Variants in ZNF665 observed in about 807,000 individuals in gnomAD.
The protein encoded by ZNF665 is zinc finger protein 665.
In ZNF665, 6 loss-of-function variants were observed where a neutral mutation model predicts 7.9. The observed-to-expected ratio is 0.76, with a 90% CI of 0.42 to 1.50. The LOEUF is 1.50. Ranked by LOEUF, ZNF665 falls within the 40% of genes most tolerant of loss-of-function variation. The pLI is 0.01. For missense variants in ZNF665, 819 were observed against 806.7 expected, an observed-to-expected ratio of 1.02 and a Z score of -0.18; for synonymous variants, 242 against 274.5, an observed-to-expected ratio of 0.88 and a Z score of 1.17.
At chr19:53,168,558 C>T (rs550856518) in intron 3 of ZNF665, among the ~76,000 whole-genome samples, 85 of 152,256 alleles carry the variant, frequency 5.6e-4, no homozygotes, top group Middle Eastern at 3.4e-3. Context: ...AACACAATCC[C>T]AACCAAAATT....
chr19:53,172,285 C>T (rs374597113), intron 3 of ZNF665, among the ~76,000 whole-genome samples: 5 of 152,266 alleles, frequency 3.3e-5, no homozygotes, highest in African/African-American at 1.2e-4. Flanking sequence ...ACTGTATACC[C>T]AGAAGTGGGA....
In ZNF665 at chr19:53,164,191, T is replaced by C. The variant is rs981095590; in HGVS notation, c.*262A>G. On this transcript the variant is annotated 3_prime_UTR_variant, in exon 4 of 4. Transcript: ENST00000396424. The stretch of plus-strand genomic sequence containing the variant: ...TTCACTCCTGTTGCCCAGGCTGGAG[T>C]GCAATGGCATGATCTCGCTCACTGC... The C allele has an allele frequency of 4.3e-6, 1 of 231,184 alleles. No individual in the cohort carries two copies. Among genetic ancestry groups the C allele is most frequent in the Non-Finnish European group, 8.0e-6 (1 of 124,500 alleles). 14.3% of individuals were successfully genotyped at this position (231,184 alleles called of 1,614,324 possible). A position where few individuals can be genotyped will look rare whatever the true frequency, so the allele number is the denominator to read the frequency against.
chr19:53,165,333 T>C lies in ZNF665; in HGVS notation c.1157A>G (p.His386Arg), dbSNP rs778435295. Residue 386 changes from histidine (H) to arginine (R), a missense_variant, in exon 4 of 4, where the codon CAT becomes CGT. Transcript: ENST00000396424. ...CNECGKAFSM[H>R]SNLTKHQIIH... Reference sequence around the variant, plus strand: ...GATCTGATGCTTAGTTAAGTTTGAATGCATACTGAAGGCTTTCCCACACTC... The same window carrying C: ...GATCTGATGCTTAGTTAAGTTTGAACGCATACTGAAGGCTTTCCCACACTC... 9.3e-6 allele frequency: 15 copies of C among 1,613,240 alleles called. No homozygotes were observed. The highest frequency in any genetic ancestry group is 1.2e-5 in the Non-Finnish European group (14 of 1,179,546).
At chr19:53,191,513 C>A (rs1299368982) in intron 1 of ZNF665, among the ~76,000 whole-genome samples, 1 of 152,192 alleles carries the variant, frequency 6.6e-6, no homozygotes, top group Admixed American at 6.5e-5. Flanking sequence ...ACCAGCATCT[C>A]CATAACAGAA....
intron 1 of ZNF665, among the ~76,000 whole-genome samples, chr19:53,189,288 CA>C (rs1190471605): frequency 6.6e-6 from 1 of 151,906 alleles, no homozygotes. Context: ...CGACACAAGA[CA>C]AAGAGATAAA....
intron 1 of ZNF665, chr19:53,191,825 AGAGT>A (rs1382916865): frequency 6.6e-6 from 1 of 152,220 alleles, no homozygotes; most frequent in Non-Finnish European, 1.5e-5. Context: ...TCTGGGAAAT[AGAGT>A]GAGATTCTGT....
At position 53,162,660 on chromosome 19, in the gene ZNF665, C is replaced by G. The variant is rs1223549741; in HGVS notation, c.*1793G>C. On this transcript the variant is annotated 3_prime_UTR_variant, in exon 4 of 4. Transcript: ENST00000396424. ...ATGAGGTCAGGAGTTCGAGACCAGCCTGGCAAACATAGTGAAACTCCATCT... is the reference window on the plus strand; with the variant it reads ...ATGAGGTCAGGAGTTCGAGACCAGCGTGGCAAACATAGTGAAACTCCATCT... 6.6e-6 allele frequency: 1 copy of G among 152,040 alleles called. No individual in the cohort carries two copies. The highest frequency in any genetic ancestry group is 1.5e-5 in the Non-Finnish European group (1 of 68,026). 9.4% of individuals were successfully genotyped at this position (152,040 alleles called of 1,614,324 possible). A position where few individuals can be genotyped will look rare whatever the true frequency, so the allele number is the denominator to read the frequency against.
Position 53,164,607 on chromosome 19 carries a change from C to T in ZNF665, c.1883G>A (p.Cys628Tyr). ...ACTGAAGGCTTTCCCACACTCATTA[C>T]ACCTATAAGGTTTTTCTCCAGTGTG... ...RIHTGEKPYR[C>Y]NECGKAFSVR... is the part of the protein sequence containing the mutation. The change falls in exon 4 of 4, where the codon TGT (cysteine) becomes TAT (tyrosine). Residue 628 changes from cysteine (C) to tyrosine (Y), a missense_variant. Coordinates refer to ENST00000396424, the MANE Select transcript of ZNF665 (RefSeq NM_024733.5). The T allele has an allele frequency of 6.2e-7, 1 of 1,614,174 alleles. No individual in the cohort carries two copies. The highest frequency in any genetic ancestry group is 1.6e-4 in the Middle Eastern group (1 of 6,062).
In ZNF665 at chr19:53,164,516, T is replaced by C. The variant is rs752238352; in HGVS notation, c.1974A>G (p.Gln658=). 6.2e-6 allele frequency: 10 copies of C among 1,611,496 alleles called. No homozygotes were observed. Among genetic ancestry groups the C allele is most frequent in the Middle Eastern group, 3.3e-4 (2 of 6,038 alleles). ...HTGDKPYKCN[Q]CGKVFTQNSN... ...AATTTTGAGTAAAGACCTTGCCACA[T>C]TGGTTACATTTGTAAGGTTTGTCTC... is the stretch of plus-strand genomic sequence containing the variant. The change falls in exon 4 of 4, where the codon CAA becomes CAG. Residue 658 remains glutamine, a synonymous_variant. Coordinates refer to ENST00000396424, the MANE Select transcript of ZNF665 (RefSeq NM_024733.5).
chr19:53,166,379 T>G (rs1475862448), intron 3 of ZNF665, 32 bp from the exon 4 acceptor site: 1 of 1,499,848 alleles, frequency 6.7e-7, no homozygotes, highest in African/African-American at 1.4e-5. Flanking sequence ...AGATTTCCAG[T>G]TAACTATAGT....
In ZNF665 at chr19:53,182,926, C is replaced by T. The variant is rs2090749052; in HGVS notation, c.-28G>A. 1 of 1,608,392 alleles carries T rather than the reference C, an allele frequency of 6.2e-7. No individual in the cohort carries two copies. Among genetic ancestry groups the T allele is most frequent in the African/African-American group, 1.3e-5 (1 of 74,888 alleles). ...CTGACTCCTTTGCCTTCCTCTTCCT[C>T]TTCTTCCAGGGTTCTACCTTGGGTA... On this transcript the variant is annotated 5_prime_UTR_variant, in exon 2 of 4. Transcript: ENST00000396424.
intron 3 of ZNF665, among the ~76,000 whole-genome samples, chr19:53,174,378 G>A (rs528576928): frequency 6.6e-6 from 1 of 152,024 alleles, no homozygotes; most frequent in East Asian, 1.9e-4. Context: ...TAAAGAACAG[G>A]GTATTAAGTG....
rs374548324 is a variant in ZNF665, at chr19:53,175,529, C to T, written c.58G>A (p.Glu20Lys). The change falls in exon 3 of 4, where the codon GAG becomes AAG. Residue 20 changes from glutamate (E) to lysine (K), a missense_variant. By Grantham distance (56) the Glu-to-Lys change is moderately conservative (BLOSUM62 1). Transcript: ENST00000396424. Reference protein sequence around the residue: ...FKDVAIEFSQEEWTCLDPAQK... With the variant: ...FKDVAIEFSQKEWTCLDPAQK... ...GCAGGGTCCAGGCATGTCCACTCCT[C>T]CTGAGAGAATTCTATGGCCACATCC... The T allele has an allele frequency of 6.8e-6, 11 of 1,610,924 alleles. No individual in the cohort carries two copies. The highest frequency in any genetic ancestry group is 1.1e-5 in the South Asian group (1 of 90,690).
chr19:53,172,756 C>T lies in ZNF665; in HGVS notation c.142+2689G>A, dbSNP rs544753719. ...AGGAGAATCACTTGAACCTGGGAGG[C>T]GGAGATTGCAGTGAGCCAAGATCAC... is the stretch of plus-strand genomic sequence containing the variant. On this transcript the variant is annotated intron_variant, in intron 3 of 3. Coordinates refer to ENST00000396424, the MANE Select transcript of ZNF665 (RefSeq NM_024733.5). 3.2e-4 allele frequency among the ~76,000 whole-genome samples: 43 copies of T among 133,096 alleles called. 1 individual carries two copies. In the East Asian group the frequency reaches 6.1e-3, roughly 19 times the overall value. The allele number at this position is 133,096 out of a possible 152,430, so 87.3% of individuals were successfully genotyped here.
intron 1 of ZNF665, among the ~76,000 whole-genome samples, chr19:53,189,056 T>C (rs2090793170): frequency 7.1e-6 from 1 of 141,184 alleles, no homozygotes; most frequent in Non-Finnish European, 1.6e-5. Context: ...ATTTTCTGTG[T>C]GTGTGTGTGT....
intron 1 of ZNF665, among the ~76,000 whole-genome samples, chr19:53,192,828 G>T (rs1010784373): frequency 1.3e-5 from 2 of 152,070 alleles, no homozygotes; most frequent in Non-Finnish European, 2.9e-5. Flanking sequence ...CGAAGGGGAG[G>T]CCTAGGGAGC....
chr19:53,165,804 G>A lies in ZNF665; in HGVS notation c.686C>T (p.Thr229Ile), dbSNP rs201340207. 189 of 1,614,028 alleles carry A rather than the reference G, an allele frequency of 1.2e-4. 1 individual carries two copies. The African/African-American group carries it at 2.1e-3, about 18-fold the overall frequency. ...SNLTIHQVIHTGEKPYKCNEC... is the reference protein window; with the variant it reads ...SNLTIHQVIHIGEKPYKCNEC... Reference sequence around the variant, plus strand: ...ATTACATTTGTAAGGTTTTTCTCCAGTATGGATGACCTGATGGATTGTTAG... The same window carrying A: ...ATTACATTTGTAAGGTTTTTCTCCAATATGGATGACCTGATGGATTGTTAG... The change falls in exon 4 of 4, where the codon ACT becomes ATT. Residue 229 changes from threonine (T) to isoleucine (I), a missense_variant. By Grantham distance (89) the Thr-to-Ile change is moderately conservative (BLOSUM62 -1). Transcript: ENST00000396424.
In ZNF665 at chr19:53,171,524, A is replaced by ATATATTTT. The variant is rs372855271; in HGVS notation, c.142+3920_142+3921insAAAATATA. ...TGTGTGTATATATATATATATATAT[A>ATATATTTT]TTTTTTTTTTTTTTTTCTTTTTTTA... On this transcript the variant is annotated intron_variant, in intron 3 of 3. Transcript: ENST00000396424. 1.8e-3 allele frequency among the ~76,000 whole-genome samples: 124 copies of ATATATTTT among 69,328 alleles called. 1 individual carries two copies. The highest frequency in any genetic ancestry group is 5.8e-3 in the East Asian group (9 of 1,540). 45.5% of individuals were successfully genotyped at this position (69,328 alleles called of 152,430 possible).
Position 53,165,492 on chromosome 19 carries a change from A to T in ZNF665, c.998T>A (p.Leu333Gln), listed in dbSNP as rs770580679. The change falls in exon 4 of 4, where the codon CTG becomes CAG. Residue 333 changes from leucine to glutamine, a missense_variant. Physicochemically the swap from Leu to Gln is moderately radical, Grantham distance 113. Coordinates refer to ENST00000396424, the MANE Select transcript of ZNF665 (RefSeq NM_024733.5). Reference sequence around the variant, plus strand: ...AGTGTGGATTGTCTGATGGGTAGTCAGGCTTGAGCGAACACTAAAGGCTTT... The same window carrying T: ...AGTGTGGATTGTCTGATGGGTAGTCTGGCTTGAGCGAACACTAAAGGCTTT... ...CGKAFSVRSS[L>Q]TTHQTIHTGE... The T allele has an allele frequency of 8.7e-6, 14 of 1,613,676 alleles. No homozygotes were observed. The Admixed American group carries it at 2.3e-4, about 27-fold the overall frequency.
Sources: gnomAD v4.1 joint callset for allele counts (sites outside exome capture counted in the v4.1 genomes callset) on GRCh38, gnomAD v4.1.1 for gene constraint, MANE v1.5 for transcripts, NCBI Gene and HGNC (gene_info 2026-07-23, HGNC 2026-07-21) for gene names.